The following RAB28 variants were observed in gnomAD, a reference collection of about 807,000 sequenced individuals.
RAB28 encodes ras-related protein Rab-28.
Under a neutral mutation model 31.7 loss-of-function variants are expected in RAB28, and 24 were observed. That is an observed-to-expected ratio of 0.76 (90% confidence interval 0.55 to 1.06). RAB28 has a LOEUF of 1.06. Among genes scored for constraint, RAB28 ranks in the 50% least tolerant of loss-of-function variants. The pLI, the probability that RAB28 is intolerant of heterozygous loss-of-function variation, is 0.00. For missense variants in RAB28, 254 were observed against 258.5 expected (o/e 0.98, Z 0.12); for synonymous variants, 100 against 90.4 (o/e 1.11, Z -0.60).
At chr4:13,465,663 G>A (rs1715803844) in intron 3 of RAB28, among the ~76,000 whole-genome samples, 1 of 151,006 alleles carries the variant, frequency 6.6e-6, no homozygotes, top group African/African-American at 2.4e-5. Context: ...GGTTATTCAG[G>A]GAGAAGGAAA....
intron 6 of RAB28, among the ~76,000 whole-genome samples, chr4:13,376,014 A>G (rs1179647502): frequency 6.6e-6 from 1 of 152,164 alleles, no homozygotes; most frequent in East Asian, 1.9e-4. Context: ...CATTCTATCA[A>G]ACATATGAAT....
chr4:13,374,942 C>T (rs956347120), intron 6 of RAB28, among the ~76,000 whole-genome samples: 6 of 152,144 alleles, frequency 3.9e-5, no homozygotes, highest in African/African-American at 1.4e-4. Context: ...TATACTCTAA[C>T]ACAAATGGTC....
chr4:13,438,434 C>T (rs2108938426), intron 4 of RAB28, among the ~76,000 whole-genome samples: 1 of 152,222 alleles, frequency 6.6e-6, no homozygotes, highest in South Asian at 2.1e-4. Context: ...CCTTTCCCTC[C>T]CCTTCTTGCT....
Position 13,477,510 on chromosome 4 carries a change from T to C in RAB28, c.172+1920A>G, listed in dbSNP as rs143258342. On this transcript the variant is annotated intron_variant, in intron 2 of 6. Coordinates refer to ENST00000330852, the MANE Select transcript of RAB28 (RefSeq NM_001017979.3). Reference sequence around the variant, plus strand: ...CATTAAAGTATATAAAGGATAATTATAAACCTTGTAATTTATTCACCTCAT... The same window carrying C: ...CATTAAAGTATATAAAGGATAATTACAAACCTTGTAATTTATTCACCTCAT... Among the ~76,000 whole-genome samples the C allele has an allele frequency of 8.8e-4, 133 of 151,708 alleles. 1 individual carries two copies. In the East Asian group the frequency reaches 0.025, roughly 29 times the overall value.
chr4:13,412,459 C>T (rs1712494476), intron 4 of RAB28, among the ~76,000 whole-genome samples: 1 of 151,756 alleles, frequency 6.6e-6, no homozygotes, highest in Non-Finnish European at 1.5e-5. Context: ...ACACAAACAA[C>T]CCTGTGTCGT....
rs1202788124 is a variant in RAB28, at chr4:13,369,897, A to G, written c.574-1247T>C. The G allele has an allele frequency of 3.7e-6, 6 of 1,612,156 alleles. No individual in the cohort carries two copies. In the East Asian group the frequency reaches 6.7e-5, roughly 18 times the overall value. ...TGCACTACTGTACTGAACAGATTCT[A>G]CTCTGAGTAGAGGTGGTATGTTGAT... On this transcript the variant is annotated intron_variant, in intron 6 of 6. Coordinates refer to ENST00000330852, the MANE Select transcript of RAB28 (RefSeq NM_001017979.3).
intron 4 of RAB28, among the ~76,000 whole-genome samples, chr4:13,442,995 A>G (rs768310702): frequency 2.6e-5 from 4 of 152,356 alleles, no homozygotes; most frequent in Non-Finnish European, 5.9e-5. Flanking sequence ...ACATAGTATA[A>G]AATAAATATC....
chr4:13,466,102 G>C (rs529555351), intron 3 of RAB28, among the ~76,000 whole-genome samples: 84 of 151,996 alleles, frequency 5.5e-4, no homozygotes, highest in African/African-American at 1.9e-3. Context: ...AGTAAGAACA[G>C]AAACTACAAA....
At chr4:13,375,419 T>C (rs1348681660) in intron 6 of RAB28, among the ~76,000 whole-genome samples, 1 of 152,152 alleles carries the variant, frequency 6.6e-6, no homozygotes. Context: ...AATCATAGAC[T>C]CTCTAACTAA....
intron 4 of RAB28, among the ~76,000 whole-genome samples, chr4:13,407,443 T>C (rs1712165146): frequency 6.6e-6 from 1 of 152,240 alleles, no homozygotes; most frequent in African/African-American, 2.4e-5. Context: ...GGTAGCGTGA[T>C]GCTTCCAGCT....
intron 2 of RAB28, among the ~76,000 whole-genome samples, chr4:13,475,970 A>T (rs1327100639): frequency 2.6e-5 from 4 of 151,488 alleles, no homozygotes; most frequent in African/African-American, 9.7e-5. Flanking sequence ...TTACTTGCAC[A>T]ACTCTTTAGG....
At chr4:13,386,556 T>C (rs773349051) in intron 4 of RAB28, among the ~76,000 whole-genome samples, 4 of 152,056 alleles carry the variant, frequency 2.6e-5, no homozygotes, top group Non-Finnish European at 5.9e-5. Context: ...CACAATGAGA[T>C]ACCATCACAC....
intron 2 of RAB28, among the ~76,000 whole-genome samples, chr4:13,478,698 A>C (rs2108976405): frequency 6.6e-6 from 1 of 151,866 alleles, no homozygotes; most frequent in East Asian, 1.9e-4. Context: ...AAAATACTTT[A>C]AACATATAAT....
intron 4 of RAB28, among the ~76,000 whole-genome samples, chr4:13,389,595 C>T (rs1729537517): frequency 2.0e-5 from 3 of 152,082 alleles, no homozygotes; most frequent in South Asian, 4.1e-4. Flanking sequence ...ATCACTTACC[C>T]TCAACAATTG....
chr4:13,382,379 T>G (rs532320794), intron 4 of RAB28, among the ~76,000 whole-genome samples: 1 of 152,022 alleles, frequency 6.6e-6, no homozygotes, highest in Non-Finnish European at 1.5e-5. Context: ...ATAAGGCAAA[T>G]ATATTCACAG....
chr4:13,376,479 T>C (rs1728925645), intron 6 of RAB28, 66 bp downstream of exon 6: 4 of 1,186,148 alleles, frequency 3.4e-6, no homozygotes, highest in South Asian at 1.4e-5. Flanking sequence ...AAAGAATTTA[T>C]GGGTGAAAAT....
At chr4:13,404,550 GA>G (rs1346278736) in intron 4 of RAB28, among the ~76,000 whole-genome samples, 1 of 151,922 alleles carries the variant, frequency 6.6e-6, no homozygotes, top group Non-Finnish European at 1.5e-5. Context: ...ATAGAATAAT[GA>G]TCAGTAAACT....
In RAB28 at chr4:13,392,812, CA is replaced by C. The variant is rs573042261; in HGVS notation, c.392-11219del. Reference sequence around the variant, plus strand: ...AATACGTTAATTAGCTTGATTTAGCCATTACTCAATGTACACATATTTAAAA... The same window carrying C: ...AATACGTTAATTAGCTTGATTTAGCCTTACTCAATGTACACATATTTAAAA... On this transcript the variant is annotated intron_variant, in intron 4 of 6. Transcript: ENST00000330852. 2.4e-3 allele frequency among the ~76,000 whole-genome samples: 362 copies of C among 152,190 alleles called. 3 individuals carry two copies. Among genetic ancestry groups the C allele is most frequent in the Non-Finnish European group, 2.4e-3 (166 of 68,002 alleles).
chr4:13,368,051 A>G lies in RAB28; in HGVS notation c.*507T>C. On this transcript the variant is annotated 3_prime_UTR_variant, in exon 7 of 7. Transcript: ENST00000330852. ...CTTATTTCAAGCATTTTCAGTTAGA[A>G]ACAGCTTTATATACTTTTACTCACG... 2.0e-6 allele frequency: 2 copies of G among 977,112 alleles called. No individual in the cohort carries two copies. The highest frequency in any genetic ancestry group is 2.4e-6 in the Non-Finnish European group (2 of 822,406). The allele number at this position is 977,112 out of a possible 1,614,324, so 60.5% of individuals were successfully genotyped here.
Sources: gnomAD v4.1 joint callset for allele counts (sites outside exome capture counted in the v4.1 genomes callset) on GRCh38, gnomAD v4.1.1 for gene constraint, MANE v1.5 for transcripts, NCBI Gene and HGNC (gene_info 2026-07-23, HGNC 2026-07-21) for gene names.